Variants in TENM4 observed in about 807,000 individuals in gnomAD.
The protein encoded by TENM4 is teneurin transmembrane protein 4.
In TENM4, 82 loss-of-function variants were observed where a neutral mutation model predicts 243.3. That is an observed-to-expected ratio of 0.34 (90% confidence interval 0.28 to 0.40). The LOEUF is 0.40. Among genes scored for constraint, TENM4 ranks in the 10% least tolerant of loss-of-function variants. The probability of loss-of-function intolerance (pLI) is 1.00; values close to 1 mark genes in which losing one functional copy is unlikely to be tolerated. For synonymous variants in TENM4, 1,412 were observed against 1,456.3 expected (o/e 0.97, Z 0.69); for missense variants, 3,138 against 3,673.3 (o/e 0.85, Z 3.77).
rs748379930 is a variant in TENM4 at position 78,670,091 on chromosome 11, T to C, written c.6254A>G (p.Tyr2085Cys). The C allele has an allele frequency of 5.0e-6, 8 of 1,613,970 alleles. No homozygotes were observed. The South Asian group carries it at 6.6e-5, about 13-fold the overall frequency. ...GMVNARFDYN[Y>C]DNSFRVTSMQ... is the part of the protein sequence containing the mutation. Reference sequence around the variant, plus strand: ...GCTGGTCACCCGGAAGCTGTTGTCATAGTTGTAGTCAAAACGGGCGTTGAC... The same window carrying C: ...GCTGGTCACCCGGAAGCTGTTGTCACAGTTGTAGTCAAAACGGGCGTTGAC... Residue 2085 changes from tyrosine (Y) to cysteine (C), a missense_variant, in exon 32 of 34, where the codon TAT becomes TGT. Coordinates refer to ENST00000278550, the MANE Select transcript of TENM4 (RefSeq NM_001098816.3).
At chr11:79,396,697 G>C (rs1390580153) in intron 1 of TENM4, among the ~76,000 whole-genome samples, 1 of 152,196 alleles carries the variant, frequency 6.6e-6, no homozygotes, top group Non-Finnish European at 1.5e-5. Context: ...CCTTTCTTTT[G>C]TATGACGCAT....
intron 3 of TENM4, among the ~76,000 whole-genome samples, chr11:79,183,224 C>T (rs1418631370): frequency 6.6e-6 from 1 of 152,104 alleles, no homozygotes; most frequent in African/African-American, 2.4e-5. Context: ...TATTATTTAA[C>T]ACTAAAGTAA....
chr11:78,786,734 T>C (rs979126581), intron 16 of TENM4, among the ~76,000 whole-genome samples, 164 bp downstream of exon 16: 1 of 152,186 alleles, frequency 6.6e-6, no homozygotes, highest in African/African-American at 2.4e-5. Flanking sequence ...TGAGTTTAAA[T>C]CCAACCGATG....
chr11:78,744,827 T>A (rs1378533215), intron 19 of TENM4, among the ~76,000 whole-genome samples: 1 of 152,260 alleles, frequency 6.6e-6, no homozygotes, highest in East Asian at 1.9e-4. Flanking sequence ...GCCTGCTTGA[T>A]AATTTTGACT....
intron 26 of TENM4, 89 bp downstream of exon 26, chr11:78,712,393 A>G (rs915469409): frequency 7.5e-7 from 1 of 1,341,712 alleles, no homozygotes; most frequent in African/African-American, 1.5e-5. Context: ...TTTTCCAAAA[A>G]TTTTTGCAAT....
At chr11:79,384,255 G>A (rs772828476) in intron 1 of TENM4, among the ~76,000 whole-genome samples, 6 of 152,194 alleles carry the variant, frequency 3.9e-5, no homozygotes, top group Non-Finnish European at 7.3e-5. Context: ...TTTCTTTTGC[G>A]AAATGAAGAG....
chr11:78,809,919 A>G (rs1857461814), intron 14 of TENM4, among the ~76,000 whole-genome samples: 1 of 152,194 alleles, frequency 6.6e-6, no homozygotes, highest in Non-Finnish European at 1.5e-5. Flanking sequence ...CTGCAGGACC[A>G]AAAACACAGG....
intron 3 of TENM4, among the ~76,000 whole-genome samples, chr11:79,163,361 T>G (rs928986125): frequency 6.6e-6 from 1 of 152,086 alleles, no homozygotes; most frequent in Non-Finnish European, 1.5e-5. Flanking sequence ...CTGAAAACAC[T>G]TGTACAAGCC....
At chr11:79,419,255 G>C (rs192951161) in intron 1 of TENM4, among the ~76,000 whole-genome samples, 43 of 152,232 alleles carry the variant, frequency 2.8e-4, no homozygotes, top group African/African-American at 1.0e-3. Context: ...AGAACTGAGG[G>C]CACCTCCCTC....
intron 6 of TENM4, among the ~76,000 whole-genome samples, chr11:78,982,443 C>T (rs1857820125): frequency 6.6e-6 from 1 of 152,140 alleles, no homozygotes; most frequent in African/African-American, 2.4e-5. Flanking sequence ...TGTTTCCTGT[C>T]TGCTTAAGTG....
At chr11:78,837,981 T>C (rs533161526) in intron 12 of TENM4, among the ~76,000 whole-genome samples, 19 of 152,338 alleles carry the variant, frequency 1.2e-4, no homozygotes, top group African/African-American at 4.6e-4. Flanking sequence ...AACATTTTTA[T>C]GGTTTAATAC....
At chr11:79,166,917 C>T (rs1345400453) in intron 3 of TENM4, among the ~76,000 whole-genome samples, 1 of 152,130 alleles carries the variant, frequency 6.6e-6, no homozygotes, top group African/African-American at 2.4e-5. Flanking sequence ...GAAGAATTTC[C>T]ATGGAGTTCA....
intron 9 of TENM4, among the ~76,000 whole-genome samples, chr11:78,882,126 AAAATGAGCCTTACTGCACACAAATAAC>A (rs1228252082): frequency 1.3e-5 from 2 of 152,198 alleles, no homozygotes; most frequent in African/African-American, 2.4e-5. Context: ...GAAAGGAGGG[AAAATGAGCCTTACTGCACACAAATAAC>A]ACCTAGGCCC....
intron 4 of TENM4, among the ~76,000 whole-genome samples, chr11:79,139,810 A>G (rs1565220958): frequency 1.9e-4 from 19 of 98,786 alleles, no homozygotes; most frequent in African/African-American, 7.8e-4. Flanking sequence ...TATATAATAT[A>G]TATTTTATAT....
intron 12 of TENM4, among the ~76,000 whole-genome samples, chr11:78,822,732 AT>A (rs202194332): frequency 2.6e-5 from 4 of 151,190 alleles, no homozygotes; most frequent in South Asian, 2.1e-4. Context: ...TTAAGATAAA[AT>A]TTTTTTTTTA....
At chr11:78,704,931 G>T (rs1859206827) in intron 27 of TENM4, among the ~76,000 whole-genome samples, 1 of 152,134 alleles carries the variant, frequency 6.6e-6, no homozygotes, top group Admixed American at 6.5e-5. Flanking sequence ...TTCCGGTCCT[G>T]CTTTCTAAAG....
chr11:78,865,695 A>ACACACAC (rs1488603789), intron 9 of TENM4, among the ~76,000 whole-genome samples: 1 of 152,198 alleles, frequency 6.6e-6, no homozygotes, highest in Non-Finnish European at 1.5e-5. Context: ...GCCATGGGGA[A>ACACACAC]CACACACAAG....
intron 1 of TENM4, among the ~76,000 whole-genome samples, chr11:79,377,781 T>G (rs933658342): frequency 2.6e-5 from 4 of 152,174 alleles, no homozygotes; most frequent in Non-Finnish European, 4.4e-5. Context: ...AAGAAAAGTG[T>G]TCTGTACTCC....
intron 1 of TENM4, among the ~76,000 whole-genome samples, chr11:79,342,707 T>C (rs144089612): frequency 2.0e-5 from 3 of 152,256 alleles, no homozygotes; most frequent in African/African-American, 7.2e-5. Flanking sequence ...ATGAGTATTT[T>C]TTGAAGCTTC....
Sources: gnomAD v4.1 joint callset for allele counts (sites outside exome capture counted in the v4.1 genomes callset) on GRCh38, gnomAD v4.1.1 for gene constraint, MANE v1.5 for transcripts, NCBI Gene and HGNC (gene_info 2026-07-23, HGNC 2026-07-21) for gene names.